Variants in NEK4 observed in about 807,000 individuals in gnomAD.
NEK4 encodes the protein NIMA related kinase 4.
A neutral mutation model predicts 98.4 loss-of-function variants in NEK4; 86 were observed. The observed-to-expected ratio is 0.87, with a 90% CI of 0.73 to 1.05. The LOEUF (loss-of-function observed/expected upper bound fraction) is 1.05, where lower values mean the gene tolerates loss of function less well. NEK4 is among the 50% of genes least tolerant of loss of function. The pLI, the probability that NEK4 is intolerant of heterozygous loss-of-function variation, is 0.00. For synonymous variants in NEK4, 328 were observed against 342.2 expected (o/e 0.96, Z 0.46); for missense variants, 898 against 950.3 (o/e 0.94, Z 0.72).
chr3:52,755,468 G>A (rs1335707115), intron 6 of NEK4, among the ~76,000 whole-genome samples: 1 of 151,110 alleles, frequency 6.6e-6, no homozygotes, highest in Non-Finnish European at 1.5e-5. Flanking sequence ...TGATTTTCAG[G>A]GCTGTGAAAA....
At chr3:52,736,906 T>G (rs2097376883) in intron 15 of NEK4, among the ~76,000 whole-genome samples, 1 of 152,216 alleles carries the variant, frequency 6.6e-6, no homozygotes, top group Admixed American at 6.5e-5. Context: ...ATTTAGAATG[T>G]ACATAGTTCT....
At chr3:52,754,638 G>A in intron 6 of NEK4, 1 of 726,638 alleles carries the variant, frequency 1.4e-6, no homozygotes, top group Admixed American at 1.8e-5. Context: ...CCTGTCATAG[G>A]TAAAGCCTGG....
In NEK4 at chr3:52,768,602, A is replaced by G; in HGVS notation, c.96T>C (p.Tyr32=). 6.2e-7 allele frequency: 1 copy of G among 1,613,646 alleles called. No homozygotes were observed. Among genetic ancestry groups the G allele is most frequent in the Non-Finnish European group, 8.5e-7 (1 of 1,179,658 alleles). ...TTCGGAGGTTCAGTTTTTTGATGAC[A>G]TACTAAAAACAAACCATGTATTTTT... The part of the protein sequence containing the change: ...LVKHRRDGKQ[Y]VIKKLNLRNA... The change falls in exon 2 of 16, where the codon TAT becomes TAC. Residue 32 remains tyrosine, a splice_region_variant and synonymous_variant. Coordinates refer to ENST00000233027, the MANE Select transcript of NEK4 (RefSeq NM_003157.6).
At chr3:52,750,410 T>C (rs773161598) in intron 7 of NEK4, among the ~76,000 whole-genome samples, 4 of 151,954 alleles carry the variant, frequency 2.6e-5, no homozygotes, top group Non-Finnish European at 5.9e-5. Flanking sequence ...CAGCTGGGCA[T>C]GGTGGTATGC....
chr3:52,766,867 T>C (rs901619576), intron 2 of NEK4, among the ~76,000 whole-genome samples: 3 of 151,906 alleles, frequency 2.0e-5, no homozygotes, highest in African/African-American at 7.3e-5. Flanking sequence ...GCGCCTGTAG[T>C]CCCAGCTACT....
chr3:52,737,450 A>C, intron 15 of NEK4, 136 bp downstream of exon 15: 1 of 851,748 alleles, frequency 1.2e-6, no homozygotes, highest in South Asian at 1.8e-5. Context: ...ATGACTGTAC[A>C]ATGTTGTAAA....
At chr3:52,760,959 A>T (rs1698334689) in intron 5 of NEK4, 23 bp from the exon 6 acceptor site, 2 of 1,472,298 alleles carry the variant, frequency 1.4e-6, no homozygotes, top group South Asian at 1.2e-5. Context: ...GAAAAGAAAG[A>T]GTTATTATCA....
Position 52,770,786 on chromosome 3 carries a change from G to T in NEK4, c.-40C>A, listed in dbSNP as rs778208982. On this transcript the variant is annotated 5_prime_UTR_variant, in exon 1 of 16. Transcript: ENST00000233027. ...CCCAGAGTCGGGATGCGGCGGCAGC[G>T]GCGGGTAGGGCAGCGGGCGGCAACA... is the stretch of plus-strand genomic sequence containing the variant. 8 of 1,516,172 alleles carry T rather than the reference G, an allele frequency of 5.3e-6. No individual in the cohort carries two copies. The highest frequency in any genetic ancestry group is 4.8e-5 in the South Asian group (4 of 83,366). The allele number at this position is 1,516,172 out of a possible 1,614,324, so 93.9% of individuals were successfully genotyped here. A position where few individuals can be genotyped will look rare whatever the true frequency, so the allele number is the denominator to read the frequency against.
At chr3:52,717,204 T>C (rs866003257) in intron 15 of NEK4, among the ~76,000 whole-genome samples, 2 of 152,004 alleles carry the variant, frequency 1.3e-5, no homozygotes, top group Non-Finnish European at 2.9e-5. Context: ...GTCAGGAGTT[T>C]GAGACCCAGC....
Position 52,739,599 on chromosome 3 carries a change from T to C in NEK4, c.2129A>G (p.Gln710Arg). The change falls in exon 14 of 16, where the codon CAA becomes CGA. Residue 710 changes from glutamine to arginine, a missense_variant. Coordinates refer to ENST00000233027, the MANE Select transcript of NEK4 (RefSeq NM_003157.6). ...GQTNEINALV[Q>R]LMTQTLKLDS... ...CAGTTTCAGGGTCTGAGTCATCAAT[T>C]GTACCAAGGCATTAATTTCATTTGT... 1.9e-6 allele frequency: 3 copies of C among 1,614,164 alleles called. No individual in the cohort carries two copies. The highest frequency in any genetic ancestry group is 2.5e-6 in the Non-Finnish European group (3 of 1,180,006).
At chr3:52,717,625 C>T (rs2097356375) in intron 15 of NEK4, among the ~76,000 whole-genome samples, 1 of 152,018 alleles carries the variant, frequency 6.6e-6, no homozygotes, top group Non-Finnish European at 1.5e-5. Flanking sequence ...CATAGCCATG[C>T]TCACAAACTT....
At chr3:52,733,885 C>T (rs1250004981) in intron 15 of NEK4, 1 of 309,486 alleles carries the variant, frequency 3.2e-6, no homozygotes, top group Non-Finnish European at 6.3e-6. Flanking sequence ...GCAAAGTCTT[C>T]AGTCGTACTT....
At chr3:52,737,552 A>G (rs749343225) in intron 15 of NEK4, 34 bp downstream of exon 15, 1 of 1,610,120 alleles carries the variant, frequency 6.2e-7, no homozygotes, top group Non-Finnish European at 8.5e-7. Flanking sequence ...ATTCTATAAC[A>G]TAAGCATCTT....
At chr3:52,753,545 T>C (rs902574211) in intron 6 of NEK4, 24 of 521,018 alleles carry the variant, frequency 4.6e-5, no homozygotes, top group Non-Finnish European at 6.2e-5. Context: ...TTCTGGAGCA[T>C]GTCTACAAGC....
rs1045121035 is a variant in NEK4 at position 52,709,043 on chromosome 3, C to G, written c.*2734G>C. The G allele has an allele frequency of 2.0e-5, 3 of 152,076 alleles. No homozygotes were observed. The highest frequency in any genetic ancestry group is 2.0e-4 in the Admixed American group (3 of 15,260). The allele number at this position is 152,076 out of a possible 1,614,324, so 9.4% of individuals were successfully genotyped here. A position where few individuals can be genotyped will look rare whatever the true frequency, so the allele number is the denominator to read the frequency against. ...TCTACTAAAAATAACGAAAATCAGC[C>G]AGGCATGGTGGTGTGTGCCTGTAAT... On this transcript the variant is annotated 3_prime_UTR_variant, in exon 16 of 16. Coordinates refer to ENST00000233027, the MANE Select transcript of NEK4 (RefSeq NM_003157.6).
At chr3:52,765,095 A>G (rs1578705808) in intron 4 of NEK4, among the ~76,000 whole-genome samples, 1 of 152,164 alleles carries the variant, frequency 6.6e-6, no homozygotes, top group East Asian at 1.9e-4. Context: ...TCACACCTGT[A>G]ATCCCAGCAT....
intron 15 of NEK4, 179 bp downstream of exon 15, chr3:52,737,407 C>A (rs557280413): frequency 8.8e-6 from 5 of 567,324 alleles, no homozygotes; most frequent in Non-Finnish European, 1.5e-5. Context: ...CTTCTTGGGG[C>A]GTAATGAAAA....
chr3:52,748,333 G>A (rs994432930), intron 8 of NEK4, among the ~76,000 whole-genome samples: 11 of 152,092 alleles, frequency 7.2e-5, no homozygotes, highest in Non-Finnish European at 1.5e-4. Flanking sequence ...TTTATTTGCA[G>A]TGTTGACAGG....
At chr3:52,713,815 A>AGG (rs2097352644) in intron 15 of NEK4, among the ~76,000 whole-genome samples, 1 of 118,108 alleles carries the variant, frequency 8.5e-6, no homozygotes, top group African/African-American at 2.8e-5. Context: ...AAAAAAAAAA[A>AGG]GTCAAAGTCA....
Sources: gnomAD v4.1 joint callset for allele counts (sites outside exome capture counted in the v4.1 genomes callset) on GRCh38, gnomAD v4.1.1 for gene constraint, MANE v1.5 for transcripts, NCBI Gene and HGNC (gene_info 2026-07-23, HGNC 2026-07-21) for gene names.